DYM: variants seen among roughly 807,000 people sequenced by gnomAD.
DYM encodes dyggve-Melchior-Clausen syndrome protein.
A neutral mutation model predicts 93.1 loss-of-function variants in DYM; 78 were observed. The ratio of observed to expected loss-of-function variants is 0.84; its 90% CI spans 0.70 to 1.01. The LOEUF (loss-of-function observed/expected upper bound fraction) is 1.01. Ranked by LOEUF, DYM falls within the 50% of genes least tolerant of loss-of-function variation. DYM has a pLI of 0.00. For missense variants in DYM, 789 were observed against 845.0 expected (o/e 0.93, Z 0.82); for synonymous variants, 321 against 319.7 (o/e 1.00, Z -0.04).
chr18:49,234,375 T>A (rs1189240796), intron 13 of DYM, among the ~76,000 whole-genome samples: 1 of 151,950 alleles, frequency 6.6e-6, no homozygotes, highest in Admixed American at 6.6e-5. Flanking sequence ...GAGGATTGCT[T>A]GAGCCCGGGA....
intron 13 of DYM, among the ~76,000 whole-genome samples, chr18:49,237,166 C>T (rs980522817): frequency 5.3e-5 from 8 of 152,130 alleles, no homozygotes; most frequent in Non-Finnish European, 1.0e-4. Context: ...CAAGATCACA[C>T]GGCTGGCAAG....
chr18:49,128,080 T>C (rs2143957532), intron 15 of DYM, among the ~76,000 whole-genome samples: 1 of 152,342 alleles, frequency 6.6e-6, no homozygotes, highest in Non-Finnish European at 1.5e-5. Context: ...ACAAGAGAAC[T>C]GTGGCTGCTA....
At chr18:49,192,504 T>C (rs986300926) in intron 14 of DYM, among the ~76,000 whole-genome samples, 1 of 152,112 alleles carries the variant, frequency 6.6e-6, no homozygotes, top group African/African-American at 2.4e-5. Flanking sequence ...TATCCAATTT[T>C]CCAAACACCA....
chr18:49,423,645 A>G (rs999404844), intron 2 of DYM, among the ~76,000 whole-genome samples: 10 of 152,132 alleles, frequency 6.6e-5, no homozygotes, highest in East Asian at 1.9e-4. Context: ...TTGATAGACC[A>G]CTAGCAAGAC....
At chr18:49,108,795 A>G (rs2081120293) in intron 16 of DYM, among the ~76,000 whole-genome samples, 1 of 152,180 alleles carries the variant, frequency 6.6e-6, no homozygotes, top group Non-Finnish European at 1.5e-5. Flanking sequence ...TTGCTGTATC[A>G]ATTACTGAGA....
intron 8 of DYM, among the ~76,000 whole-genome samples, chr18:49,302,519 CA>C (rs1371469525): frequency 6.6e-6 from 1 of 152,052 alleles, no homozygotes; most frequent in Non-Finnish European, 1.5e-5. Context: ...TAACCTAAAT[CA>C]GGGGTGCTGC....
chr18:49,195,506 G>C (rs2091355442), intron 14 of DYM, among the ~76,000 whole-genome samples: 3 of 152,034 alleles, frequency 2.0e-5, no homozygotes, highest in African/African-American at 7.2e-5. Flanking sequence ...ACTCTTTCTA[G>C]CTAGCTATAA....
At chr18:49,212,126 T>C (rs1261281914) in intron 13 of DYM, among the ~76,000 whole-genome samples, 1 of 152,036 alleles carries the variant, frequency 6.6e-6, no homozygotes, top group Non-Finnish European at 1.5e-5. Flanking sequence ...AAAAAACTGT[T>C]CTGTATTCTC....
At chr18:49,277,029 T>G (rs188678822) in intron 10 of DYM, among the ~76,000 whole-genome samples, 1 of 152,262 alleles carries the variant, frequency 6.6e-6, no homozygotes, top group Non-Finnish European at 1.5e-5. Flanking sequence ...GAGTCAAAGC[T>G]TTTGCCAACT....
intron 6 of DYM, among the ~76,000 whole-genome samples, chr18:49,344,241 G>T (rs532248024): frequency 3.3e-5 from 5 of 152,038 alleles, no homozygotes; most frequent in Admixed American, 3.3e-4. Flanking sequence ...AGAAACATGT[G>T]GGCAAAATGC....
chr18:49,366,561 G>A (rs2066533509), intron 5 of DYM, among the ~76,000 whole-genome samples: 1 of 152,190 alleles, frequency 6.6e-6, no homozygotes, highest in African/African-American at 2.4e-5. Flanking sequence ...GGAGGCTGAG[G>A]CAGGAGGATC....
At chr18:49,091,810 T>A (rs1364344407) in intron 17 of DYM, among the ~76,000 whole-genome samples, 2 of 152,150 alleles carry the variant, frequency 1.3e-5, no homozygotes, top group Non-Finnish European at 2.9e-5. Flanking sequence ...GATCTCGGTT[T>A]CATCACATTG....
chr18:49,093,731 G>A (rs1340326342), intron 17 of DYM, among the ~76,000 whole-genome samples: 1 of 152,148 alleles, frequency 6.6e-6, no homozygotes, highest in Non-Finnish European at 1.5e-5. Context: ...GACCCCAAGG[G>A]GCCCTCCCAG....
At chr18:49,344,607 T>G (rs1348059217) in intron 6 of DYM, among the ~76,000 whole-genome samples, 1 of 152,194 alleles carries the variant, frequency 6.6e-6, no homozygotes, top group Admixed American at 6.5e-5. Flanking sequence ...TTTCTTATTT[T>G]TAAATCATTT....
intron 3 of DYM, among the ~76,000 whole-genome samples, chr18:49,382,611 A>G (rs1471377863): frequency 6.6e-6 from 1 of 152,216 alleles, no homozygotes; most frequent in Non-Finnish European, 1.5e-5. Flanking sequence ...TAATGGGACT[A>G]GATTATAGAC....
chr18:49,434,136 G>A (rs2080593929), intron 1 of DYM, among the ~76,000 whole-genome samples: 1 of 152,066 alleles, frequency 6.6e-6, no homozygotes, highest in South Asian at 2.1e-4. Flanking sequence ...GTGAGGTCAG[G>A]AGATCGAGAC....
chr18:49,375,894 T>G (rs2147626609), intron 5 of DYM, among the ~76,000 whole-genome samples: 1 of 152,274 alleles, frequency 6.6e-6, no homozygotes, highest in East Asian at 1.9e-4. Flanking sequence ...GCCTTCATCT[T>G]TCTCCCATGC....
At chr18:49,108,297 C>T (rs9946498) in intron 16 of DYM, among the ~76,000 whole-genome samples, 3,794 of 152,282 alleles carry the variant, frequency 0.025, 152 homozygotes, top group African/African-American at 0.085. Flanking sequence ...TTCCAGGTGC[C>T]GTCTGTCACC....
rs146397135 is a variant in DYM at position 49,404,673 on chromosome 18, A to T, written c.141-13028T>A. Among the ~76,000 whole-genome samples the T allele has an allele frequency of 3.1e-4, 47 of 152,308 alleles. No homozygotes were observed. In the East Asian group the frequency reaches 6.8e-3, roughly 22 times the overall value. ...ATTTGCGTTTCTCTAATGATTAATG[A>T]TGTGGAGCACTTTTTCATGTTTGTT... On this transcript the variant is annotated intron_variant, in intron 2 of 17. Coordinates refer to ENST00000675505, the MANE Select transcript of DYM (RefSeq NM_001353214.3).
Sources: gnomAD v4.1 joint callset for allele counts (sites outside exome capture counted in the v4.1 genomes callset) on GRCh38, gnomAD v4.1.1 for gene constraint, MANE v1.5 for transcripts, NCBI Gene and HGNC (gene_info 2026-07-23, HGNC 2026-07-21) for gene names.